The following CLOCK variants were observed in gnomAD, a reference collection of about 807,000 sequenced individuals.
CLOCK encodes clock circadian regulator.
CLOCK carries 43 observed loss-of-function variants against 118.4 expected under a neutral mutation model. That is an observed-to-expected ratio of 0.36 (90% CI 0.28 to 0.47). CLOCK has a LOEUF of 0.47. Among genes scored for constraint, CLOCK ranks in the 20% least tolerant of loss-of-function variants. CLOCK has a pLI of 1.00. For synonymous variants in CLOCK, 326 were observed against 339.2 expected, an observed-to-expected ratio of 0.96 and a Z score of 0.43; for missense variants, 846 against 999.9, an observed-to-expected ratio of 0.85 and a Z score of 2.08.
intron 8 of CLOCK, among the ~76,000 whole-genome samples, chr4:55,468,772 A>C (rs1395125374): frequency 6.6e-6 from 1 of 152,256 alleles, no homozygotes; most frequent in Non-Finnish European, 1.5e-5. Flanking sequence ...AGAATAAAGA[A>C]GACAGGAAGA....
At chr4:55,474,489 T>C (rs1353332969) in intron 7 of CLOCK, among the ~76,000 whole-genome samples, 1 of 152,198 alleles carries the variant, frequency 6.6e-6, no homozygotes, top group African/African-American at 2.4e-5. Flanking sequence ...TGAAGGTCGC[T>C]ACACTAGATA....
At chr4:55,453,233 A>C (rs959923668) in intron 14 of CLOCK, 104 bp from the exon 15 acceptor site, 5 of 948,268 alleles carry the variant, frequency 5.3e-6, no homozygotes, top group Non-Finnish European at 5.1e-6. Context: ...CTGTTCATCT[A>C]GACTATTTGC....
chr4:55,503,565 T>C (rs1728570164), intron 2 of CLOCK, among the ~76,000 whole-genome samples: 1 of 152,192 alleles, frequency 6.6e-6, no homozygotes, highest in South Asian at 2.1e-4. Context: ...TCAGGATTTA[T>C]GCACTTTATA....
chr4:55,480,351 A>G (rs1577763343), intron 4 of CLOCK, among the ~76,000 whole-genome samples: 1 of 152,084 alleles, frequency 6.6e-6, no homozygotes, highest in East Asian at 1.9e-4. Context: ...TGCAGCCTCA[A>G]CCTCCTGGGT....
intron 1 of CLOCK, among the ~76,000 whole-genome samples, chr4:55,534,709 T>C (rs1730770403): frequency 6.6e-6 from 1 of 152,100 alleles, no homozygotes; most frequent in African/African-American, 2.4e-5. Context: ...GAATGCTCAA[T>C]AAATACTTGC....
intron 1 of CLOCK, among the ~76,000 whole-genome samples, chr4:55,518,636 C>T (rs1280348100): frequency 2.6e-5 from 4 of 152,096 alleles, no homozygotes; most frequent in Non-Finnish European, 5.9e-5. Flanking sequence ...GAGATCAGTG[C>T]CCTTATAAAA....
chr4:55,456,172 T>C (rs779229408), intron 12 of CLOCK, 46 bp downstream of exon 12: 2 of 1,427,324 alleles, frequency 1.4e-6, no homozygotes, highest in East Asian at 2.3e-5. Flanking sequence ...TCAAGAATTA[T>C]ATAACATGAC....
chr4:55,439,944 G>A (rs11133379), intron 21 of CLOCK, among the ~76,000 whole-genome samples: 88,789 of 151,828 alleles, frequency 0.58, 27,554 homozygotes, highest in South Asian at 0.81. Flanking sequence ...ATCGTACTCA[G>A]TGACAATGAA....
At chr4:55,468,843 G>T (rs1295063148) in intron 8 of CLOCK, among the ~76,000 whole-genome samples, 1 of 152,104 alleles carries the variant, frequency 6.6e-6, no homozygotes, top group Non-Finnish European at 1.5e-5. Flanking sequence ...GTCAACATTG[G>T]ACTGCATATA....
intron 22 of CLOCK, among the ~76,000 whole-genome samples, chr4:55,436,117 T>G (rs1296373596): frequency 1.3e-5 from 2 of 152,190 alleles, no homozygotes; most frequent in East Asian, 1.9e-4. Context: ...TGTTTACTTC[T>G]CTGGGCCTCA....
chr4:55,447,348 G>A (rs1723944737), intron 18 of CLOCK, among the ~76,000 whole-genome samples: 1 of 148,026 alleles, frequency 6.8e-6, no homozygotes, highest in African/African-American at 2.4e-5. Context: ...TGGGTGACAG[G>A]GTGAGGCGTC....
At chr4:55,529,681 A>T (rs1206775787) in intron 1 of CLOCK, among the ~76,000 whole-genome samples, 1 of 152,206 alleles carries the variant, frequency 6.6e-6, no homozygotes, top group African/African-American at 2.4e-5. Flanking sequence ...CTTTACTCAC[A>T]AGGTAGGTAT....
intron 2 of CLOCK, among the ~76,000 whole-genome samples, chr4:55,497,267 G>C (rs1728143393): frequency 6.6e-6 from 1 of 152,176 alleles, no homozygotes; most frequent in Admixed American, 6.5e-5. Context: ...CTTCAAGCCA[G>C]CAGGAGGCCA....
intron 1 of CLOCK, among the ~76,000 whole-genome samples, chr4:55,535,253 G>C (rs1730819111): frequency 6.6e-6 from 1 of 152,044 alleles, no homozygotes; most frequent in African/African-American, 2.4e-5. Context: ...CAAAACTCAA[G>C]CTGCATACTT....
intron 15 of CLOCK, among the ~76,000 whole-genome samples, chr4:55,450,997 C>T (rs1724393212): frequency 6.6e-6 from 1 of 151,754 alleles, no homozygotes; most frequent in African/African-American, 2.4e-5. Flanking sequence ...TCCATCAGCT[C>T]ATTCTCATCA....
intron 1 of CLOCK, among the ~76,000 whole-genome samples, chr4:55,533,012 G>C (rs982909834): frequency 6.6e-6 from 1 of 152,112 alleles, no homozygotes; most frequent in Non-Finnish European, 1.5e-5. Context: ...TTTTTAAACT[G>C]AAAGAGTTAA....
chr4:55,532,376 T>C (rs1282217581), intron 1 of CLOCK, among the ~76,000 whole-genome samples: 1 of 152,120 alleles, frequency 6.6e-6, no homozygotes, highest in Non-Finnish European at 1.5e-5. Flanking sequence ...AAATTATCTC[T>C]GTATACAGAT....
chr4:55,447,926 TAC>T (rs1374439061), intron 18 of CLOCK, among the ~76,000 whole-genome samples: 2 of 152,180 alleles, frequency 1.3e-5, no homozygotes, highest in East Asian at 3.8e-4. Context: ...ACTGAATGAG[TAC>T]AGAGTCATAA....
In CLOCK at chr4:55,438,409, T is replaced by G; in HGVS notation, c.2234A>C (p.Gln745Pro). 6.2e-7 allele frequency: 1 copy of G among 1,613,962 alleles called. No homozygotes were observed. Among genetic ancestry groups the G allele is most frequent in the Non-Finnish European group, 8.5e-7 (1 of 1,180,018 alleles). Residue 745 changes from glutamine (Q) to proline (P), a missense_variant, in exon 22 of 23, where the codon CAG becomes CCG. By Grantham distance (76) the Gln-to-Pro change is moderately conservative. This residue lies in a region of CLOCK where 520 missense variants were observed against 558.0 expected (regional missense o/e 0.93). Coordinates refer to ENST00000513440, the MANE Select transcript of CLOCK (RefSeq NM_004898.4). ...VTAYPTFATQ[Q>P]QQSQTLSVTQ... ...TACTGACAATGTCTGTGACTGTTGC[T>G]GTTGTGTAGCAAAAGTAGGATATGC...
Sources: allele counts gnomAD v4.1 joint callset (sites outside exome capture counted in the v4.1 genomes callset), GRCh38; gene constraint gnomAD v4.1.1; regional missense constraint gnomAD v4.1.1; transcripts MANE v1.5; gene names NCBI Gene and HGNC (gene_info 2026-07-23, HGNC 2026-07-21).